OSGIN1: variants seen among roughly 807,000 people sequenced by gnomAD.
OSGIN1 encodes oxidative stress-induced growth inhibitor 1.
Under a neutral mutation model 20.1 loss-of-function variants are expected in OSGIN1, and 19 were observed. The observed-to-expected ratio is 0.95, with a 90% CI of 0.66 to 1.39. The LOEUF (loss-of-function observed/expected upper bound fraction) is 1.39. Among genes scored for constraint, OSGIN1 ranks in the 40% most tolerant of loss-of-function variants. OSGIN1 has a pLI of 0.00. For synonymous variants in OSGIN1, 368 were observed against 297.8 expected, an observed-to-expected ratio of 1.24 and a Z score of -2.43; for missense variants, 820 against 653.0, an observed-to-expected ratio of 1.26 and a Z score of -2.79.
chr16:83,953,886 G>T (rs867717512), intron 1 of OSGIN1, among the ~76,000 whole-genome samples: 4 of 152,244 alleles, frequency 2.6e-5, no homozygotes, highest in African/African-American at 9.6e-5. Context: ...CCCCTGGGAG[G>T]CTGGGGAGCT....
chr16:83,955,338 G>C (rs548823094), intron 1 of OSGIN1, among the ~76,000 whole-genome samples: 3 of 152,180 alleles, frequency 2.0e-5, no homozygotes, highest in Non-Finnish European at 2.9e-5. Flanking sequence ...CTGTCCCTCT[G>C]CCTCCCCGCC....
rs1192281942 is a variant in OSGIN1 at position 83,965,100 on chromosome 16, C to T, written c.527C>T (p.Ala176Val). 3 of 1,609,260 alleles carry T rather than the reference C, an allele frequency of 1.9e-6. No individual in the cohort carries two copies. Among genetic ancestry groups the T allele is most frequent in the East Asian group, 2.2e-5 (1 of 44,756 alleles). Residue 176 changes from alanine (A) to valine (V), a missense_variant, in exon 6 of 6, where the codon GCC (alanine) becomes GTC (valine). Physicochemically the swap from Ala to Val is moderately conservative, Grantham distance 64 (BLOSUM62 0). Transcript: ENST00000393306. ...AGCCGGGCCACTGCCGGGGACATCG[C>T]CCACTACTACAGGGACTACGTGGTC... ...RNSRATAGDI[A>V]HYYRDYVVKK...
rs796262033 is a variant in OSGIN1 at position 83,959,483 on chromosome 16, TGTG to T, written c.204+88_204+90del. 5.2e-5 allele frequency: 67 copies of T among 1,286,006 alleles called. No homozygotes were observed. The African/African-American group carries it at 8.3e-4, about 16-fold the overall frequency. 79.7% of individuals were successfully genotyped at this position (1,286,006 alleles called of 1,614,324 possible). A position where few individuals can be genotyped will look rare whatever the true frequency, so the allele number is the denominator to read the frequency against. ...GCTTTCCCAGGGAAAAACAAAAGTGTGTGTTTGCTGGAAACAAGACTAAACAAA... is the reference window on the plus strand; with the variant it reads ...GCTTTCCCAGGGAAAAACAAAAGTGTTTTGCTGGAAACAAGACTAAACAAA... On this transcript the variant is annotated intron_variant, in intron 3 of 5. Transcript: ENST00000393306.
Position 83,953,271 on chromosome 16 carries a change from T to C in OSGIN1, c.-132T>C, listed in dbSNP as rs984937525. ...TCTTGGATCCCCACAGGGTAATGGG[T>C]GTCCCGATCTCGCGGGGGACTCTGT... On this transcript the variant is annotated 5_prime_UTR_variant, in exon 1 of 6. Transcript: ENST00000393306. The C allele has an allele frequency of 7.8e-7, 1 of 1,288,414 alleles. No homozygotes were observed. The highest frequency in any genetic ancestry group is 1.0e-6 in the Non-Finnish European group (1 of 988,192). 79.8% of individuals were successfully genotyped at this position (1,288,414 alleles called of 1,614,324 possible).
chr16:83,958,162 C>A lies in OSGIN1; in HGVS notation c.67+424C>A, dbSNP rs554381782. Among the ~76,000 whole-genome samples the A allele has an allele frequency of 3.2e-3, 481 of 152,324 alleles. 4 individuals carry two copies. The highest frequency in any genetic ancestry group is 0.011 in the African/African-American group (437 of 41,564). On this transcript the variant is annotated intron_variant, in intron 2 of 5. Transcript: ENST00000393306. ...AAAGTGCTGGGATTATAGGTGTGAA[C>A]CACCATGCCTGGCCCAGGCCTGGCC...
In OSGIN1 at chr16:83,960,638, C is replaced by G. The variant is rs1442969982; in HGVS notation, c.274C>G (p.Leu92Val). 11 of 1,613,584 alleles carry G rather than the reference C, an allele frequency of 6.8e-6. No homozygotes were observed. The highest frequency in any genetic ancestry group is 9.3e-6 in the Non-Finnish European group (11 of 1,180,024). Residue 92 changes from leucine to valine, a missense_variant, in exon 4 of 6, where the codon CTT (leucine) becomes GTT (valine). By Grantham distance (32) the Leu-to-Val change is conservative. Coordinates refer to ENST00000393306, the MANE Select transcript of OSGIN1 (RefSeq NM_182981.3). ...QSPVALLFDA[L>V]LRPDTDFGGN... ...CCCCGTGGCCCTGCTCTTTGATGCC[C>G]TTCTACGCCCAGACACAGACTTTGG...
At chr16:83,964,999 T>TTC in intron 5 of OSGIN1, 63 bp from the exon 6 acceptor site, 1 of 645,914 alleles carries the variant, frequency 1.5e-6, no homozygotes, top group Non-Finnish European at 2.7e-6. Context: ...ACATCTCCCG[T>TTC]CCCACCCAGC....
At chr16:83,961,321 C>G (rs1272898547) in intron 5 of OSGIN1, 1 of 465,262 alleles carries the variant, frequency 2.1e-6, no homozygotes, top group African/African-American at 2.0e-5. Context: ...GTCTGGAAAG[C>G]TGGGCCAGCT....
rs369903556 is a variant in OSGIN1 at position 83,960,534 on chromosome 16, C to T, written c.205-35C>T. 1.2e-5 allele frequency: 19 copies of T among 1,573,810 alleles called. No homozygotes were observed. In the African/African-American group the frequency reaches 2.4e-4, roughly 20 times the overall value. ...GCTCTGGGAAGACGACCCCGCCCTC[C>T]TCCAGCAGCCCCTCTGACCTATGCC... On this transcript the variant is annotated intron_variant, in intron 3 of 5. Coordinates refer to ENST00000393306, the MANE Select transcript of OSGIN1 (RefSeq NM_182981.3).
At chr16:83,953,434 C>G (rs1413850839) in intron 1 of OSGIN1, 64 bp downstream of exon 1, 15 of 1,264,406 alleles carry the variant, frequency 1.2e-5, no homozygotes, top group Non-Finnish European at 1.5e-5. Flanking sequence ...CCGTGGCAAG[C>G]CCAGCTGGAC....
chr16:83,956,596 C>T (rs140229696), intron 1 of OSGIN1, among the ~76,000 whole-genome samples: 1 of 152,216 alleles, frequency 6.6e-6, no homozygotes, highest in African/African-American at 2.4e-5. Flanking sequence ...AGCTGTGTGA[C>T]ACTGAGAAGT....
intron 5 of OSGIN1, chr16:83,961,298 G>A (rs142467710): frequency 1.9e-6 from 1 of 523,726 alleles, no homozygotes; most frequent in African/African-American, 1.9e-5. Flanking sequence ...TTTGTAAGAA[G>A]TACATTGGTT....
At chr16:83,955,978 C>T (rs1908907602) in intron 1 of OSGIN1, among the ~76,000 whole-genome samples, 1 of 152,174 alleles carries the variant, frequency 6.6e-6, no homozygotes, top group African/African-American at 2.4e-5. Flanking sequence ...ACACAGGGGT[C>T]CCTGACAGAC....
rs761541155 is a variant in OSGIN1, at chr16:83,961,115, G to T, written c.488+43G>T. 1.7e-5 allele frequency: 25 copies of T among 1,487,856 alleles called. 2 individuals carry two copies. In the South Asian group the frequency reaches 2.6e-4, roughly 15 times the overall value. The allele number at this position is 1,487,856 out of a possible 1,614,324, so 92.2% of individuals were successfully genotyped here. On this transcript the variant is annotated intron_variant, in intron 5 of 5. Coordinates refer to ENST00000393306, the MANE Select transcript of OSGIN1 (RefSeq NM_182981.3). ...CGCCTTGGGGGACACGGAAGGTTGGGCCTGTGAACCCAGAAAATCTGAGAC... is the reference window on the plus strand; with the variant it reads ...CGCCTTGGGGGACACGGAAGGTTGGTCCTGTGAACCCAGAAAATCTGAGAC...
Position 83,961,034 on chromosome 16 carries a change from G to A in OSGIN1, c.450G>A (p.Pro150=), listed in dbSNP as rs562070878. The change falls in exon 5 of 6, where the codon CCG becomes CCA. Residue 150 remains proline (P), a synonymous_variant. Coordinates refer to ENST00000393306, the MANE Select transcript of OSGIN1 (RefSeq NM_182981.3). The part of the protein sequence containing the change: ...ILSQGQWMGL[P]DLEVKDWMQK... ...GCCAAGGCCAGTGGATGGGGCTCCC[G>A]GACCTGGAGGTCAAGGACTGGATGC... 66 of 1,613,544 alleles carry A rather than the reference G, an allele frequency of 4.1e-5. No homozygotes were observed. In the East Asian group the frequency reaches 6.7e-4, roughly 16 times the overall value.
In OSGIN1 at chr16:83,957,648, C is replaced by T; in HGVS notation, c.-24C>T. On this transcript the variant is annotated 5_prime_UTR_variant, in exon 2 of 6. Coordinates refer to ENST00000393306, the MANE Select transcript of OSGIN1 (RefSeq NM_182981.3). ...CCTCTCCCCCACTCCAGGTCCGCTGCCAGCCCCAAGCCCCCCACCAGCCAT... is the reference window on the plus strand; with the variant it reads ...CCTCTCCCCCACTCCAGGTCCGCTGTCAGCCCCAAGCCCCCCACCAGCCAT... 2 of 1,580,466 alleles carry T rather than the reference C, an allele frequency of 1.3e-6. 1 individual carries two copies. The highest frequency in any genetic ancestry group is 2.3e-5 in the South Asian group (2 of 88,006).
intron 2 of OSGIN1, among the ~76,000 whole-genome samples, 166 bp from the exon 3 acceptor site, chr16:83,959,094 G>A (rs947935636): frequency 6.6e-6 from 1 of 152,146 alleles, no homozygotes; most frequent in Non-Finnish European, 1.5e-5. Context: ...CTTTTTAAAA[G>A]TATTATTAGG....
At position 83,963,075 on chromosome 16, in the gene OSGIN1, C is replaced by T. The variant is rs142404267; in HGVS notation, c.489-1987C>T. Among the ~76,000 whole-genome samples the T allele has an allele frequency of 7.3e-3, 1,115 of 152,296 alleles. 11 individuals are homozygous for T. The highest frequency in any genetic ancestry group is 0.023 in the African/African-American group (940 of 41,562). ...GCCTCTCGGGAAGCCCTGCTTCCTC[C>T]GCCCCCAGGGCTGTGACCAGGCCTG... On this transcript the variant is annotated intron_variant, in intron 5 of 5. Coordinates refer to ENST00000393306, the MANE Select transcript of OSGIN1 (RefSeq NM_182981.3).
In OSGIN1 at chr16:83,959,310, C is replaced by A; in HGVS notation, c.118C>A (p.Pro40Thr). ...CLSYLLSGYT[P>T]YTKPDAIHPH... ...GTCCTACCTGCTCTCCGGCTACACACCCTACACGAAGCCAGATGCCATCCA... is the reference window on the plus strand; with the variant it reads ...GTCCTACCTGCTCTCCGGCTACACAACCTACACGAAGCCAGATGCCATCCA... The change falls in exon 3 of 6, where the codon CCC becomes ACC. Residue 40 changes from proline (P) to threonine (T), a missense_variant. Transcript: ENST00000393306. The A allele has an allele frequency of 6.2e-7, 1 of 1,613,812 alleles. No homozygotes were observed. The highest frequency in any genetic ancestry group is 1.1e-5 in the South Asian group (1 of 91,066).
Sources: gnomAD v4.1 joint callset for allele counts (sites outside exome capture counted in the v4.1 genomes callset) on GRCh38, gnomAD v4.1.1 for gene constraint, MANE v1.5 for transcripts, NCBI Gene and HGNC (gene_info 2026-07-23, HGNC 2026-07-21) for gene names.